The following ADAMTS20 variants were observed in gnomAD, a reference collection of about 807,000 sequenced individuals.
The protein encoded by ADAMTS20 is A disintegrin and metalloproteinase with thrombospondin motifs 20.
ADAMTS20 carries 225 observed loss-of-function variants against 260.1 expected under a neutral mutation model. The ratio of observed to expected loss-of-function variants is 0.87; its 90% CI spans 0.78 to 0.97. The LOEUF is 0.97. Among genes scored for constraint, ADAMTS20 ranks in the 50% least tolerant of loss-of-function variants. The pLI, the probability that ADAMTS20 is intolerant of heterozygous loss-of-function variation, is 0.00. For synonymous variants in ADAMTS20, 802 were observed against 769.5 expected (o/e 1.04, Z -0.70); for missense variants, 2,400 against 2,337.7 (o/e 1.03, Z -0.55).
intron 29 of ADAMTS20, among the ~76,000 whole-genome samples, chr12:43,394,218 G>A (rs1315130177): frequency 1.3e-5 from 2 of 152,054 alleles, no homozygotes; most frequent in African/African-American, 4.8e-5. Flanking sequence ...AGTCTTTGTA[G>A]TTTAAATCAC....
chr12:43,548,886 A>G (rs1022829289), intron 2 of ADAMTS20, among the ~76,000 whole-genome samples: 2 of 152,068 alleles, frequency 1.3e-5, no homozygotes, highest in African/African-American at 4.8e-5. Context: ...TGTTTTATCA[A>G]CTACTTCTGA....
intron 2 of ADAMTS20, 137 bp downstream of exon 2, chr12:43,550,772 T>G (rs948210789): frequency 1.3e-5 from 17 of 1,308,546 alleles, no homozygotes; most frequent in Non-Finnish European, 1.7e-5. Context: ...TGCCTCTGGC[T>G]TGGTGTTAAT....
At chr12:43,377,190 G>C (rs1351317522) in intron 32 of ADAMTS20, among the ~76,000 whole-genome samples, 175 bp downstream of exon 32, 1 of 152,148 alleles carries the variant, frequency 6.6e-6, no homozygotes, top group African/African-American at 2.4e-5. Context: ...GCGAGTTATA[G>C]CAAGCATCGA....
intron 22 of ADAMTS20, 105 bp downstream of exon 22, chr12:43,431,225 CAA>C (rs1941435938): frequency 8.3e-7 from 1 of 1,209,988 alleles, no homozygotes; most frequent in Non-Finnish European, 1.1e-6. Flanking sequence ...TTTAATAAAC[CAA>C]GCCAAATTCC....
At chr12:43,523,829 C>A (rs982724313) in intron 3 of ADAMTS20, among the ~76,000 whole-genome samples, 1 of 151,238 alleles carries the variant, frequency 6.6e-6, no homozygotes, top group Non-Finnish European at 1.5e-5. Context: ...CTTGCCTGAC[C>A]CAGCCCCCAG....
At chr12:43,382,785 C>T (rs1318045782) in intron 31 of ADAMTS20, among the ~76,000 whole-genome samples, 1 of 151,398 alleles carries the variant, frequency 6.6e-6, no homozygotes, top group Non-Finnish European at 1.5e-5. Flanking sequence ...TATAAAAAAG[C>T]TGAAATTAAA....
chr12:43,518,096 C>T lies in ADAMTS20; in HGVS notation c.613+13940G>A, dbSNP rs143858727. ...TTTCGTTTTACTTAATGCTATATCC[C>T]AAAGTTCAATATATCACCTTTTTTC... On this transcript the variant is annotated intron_variant, in intron 3 of 38. Coordinates refer to ENST00000389420, the MANE Select transcript of ADAMTS20 (RefSeq NM_025003.5). 1.6e-4 allele frequency among the ~76,000 whole-genome samples: 25 copies of T among 151,942 alleles called. No homozygotes were observed. The East Asian group carries it at 4.4e-3, about 27-fold the overall frequency.
At chr12:43,379,191 C>T (rs1258094217) in intron 31 of ADAMTS20, among the ~76,000 whole-genome samples, 4 of 152,088 alleles carry the variant, frequency 2.6e-5, no homozygotes, top group African/African-American at 9.7e-5. Flanking sequence ...TTTGACCTGA[C>T]CTGCTCAGTG....
chr12:43,466,850 G>C, intron 8 of ADAMTS20, 55 bp from the exon 9 acceptor site: 1 of 1,292,392 alleles, frequency 7.7e-7, no homozygotes, highest in Non-Finnish European at 1.1e-6. Flanking sequence ...TACGATATTA[G>C]TAATAGATCC....
chr12:43,507,318 G>A (rs1244685716), intron 3 of ADAMTS20, among the ~76,000 whole-genome samples: 1 of 152,126 alleles, frequency 6.6e-6, no homozygotes, highest in Non-Finnish European at 1.5e-5. Context: ...TTGTCCATAC[G>A]TGGCATCCTA....
chr12:43,421,117 C>A (rs1338715529), intron 28 of ADAMTS20, among the ~76,000 whole-genome samples: 1 of 151,638 alleles, frequency 6.6e-6, no homozygotes, highest in Non-Finnish European at 1.5e-5. Context: ...CTTACATGAT[C>A]ATTTCTGACA....
At chr12:43,376,376 C>T in intron 33 of ADAMTS20, 46 bp from the exon 34 acceptor site, 2 of 1,479,362 alleles carry the variant, frequency 1.4e-6, no homozygotes, top group Non-Finnish European at 1.8e-6. Context: ...AAATTACAAA[C>T]ACAGCAAGAA....
intron 4 of ADAMTS20, among the ~76,000 whole-genome samples, chr12:43,501,220 G>C (rs940507856): frequency 6.6e-6 from 1 of 151,614 alleles, no homozygotes; most frequent in Non-Finnish European, 1.5e-5. Context: ...CACCACGCCT[G>C]GCTAATTTTT....
chr12:43,427,539 A>G, intron 26 of ADAMTS20, 70 bp from the exon 27 acceptor site: 1 of 1,432,964 alleles, frequency 7.0e-7, no homozygotes, highest in Non-Finnish European at 9.2e-7. Context: ...TGGTAAAAAA[A>G]AAAAATCAGC....
At chr12:43,526,081 T>G (rs1943137806) in intron 3 of ADAMTS20, among the ~76,000 whole-genome samples, 2 of 152,222 alleles carry the variant, frequency 1.3e-5, no homozygotes, top group South Asian at 2.1e-4. Flanking sequence ...ATACACATTC[T>G]TCTCATCAGC....
chr12:43,497,469 A>T (rs1271198145), intron 4 of ADAMTS20, among the ~76,000 whole-genome samples: 1 of 152,202 alleles, frequency 6.6e-6, no homozygotes, highest in Non-Finnish European at 1.5e-5. Context: ...GTTTACAAAG[A>T]TCATTACTCT....
intron 3 of ADAMTS20, among the ~76,000 whole-genome samples, chr12:43,506,838 T>C (rs1274891947): frequency 6.6e-6 from 1 of 152,046 alleles, no homozygotes. Flanking sequence ...TTATAGCACT[T>C]TTATTCATAA....
intron 11 of ADAMTS20, among the ~76,000 whole-genome samples, 158 bp downstream of exon 11, chr12:43,462,737 C>T (rs550398227): frequency 1.3e-5 from 2 of 152,256 alleles, no homozygotes; most frequent in Non-Finnish European, 2.9e-5. Context: ...AGATTTAATT[C>T]ATTGACAATG....
At chr12:43,536,998 T>C (rs889543833) in intron 2 of ADAMTS20, among the ~76,000 whole-genome samples, 1 of 152,218 alleles carries the variant, frequency 6.6e-6, no homozygotes, top group South Asian at 2.1e-4. Context: ...AATATCTTAA[T>C]ATAGAGATAC....
Sources: gnomAD v4.1 joint callset for allele counts (sites outside exome capture counted in the v4.1 genomes callset) on GRCh38, gnomAD v4.1.1 for gene constraint, MANE v1.5 for transcripts, NCBI Gene and HGNC (gene_info 2026-07-23, HGNC 2026-07-21) for gene names.